The following TAF1B variants were observed in gnomAD, a reference collection of about 807,000 sequenced individuals.
The protein encoded by TAF1B is TATA box-binding protein-associated factor RNA polymerase I subunit B.
A neutral mutation model predicts 83.9 loss-of-function variants in TAF1B; 61 were observed. The observed-to-expected ratio is 0.73, with a 90% confidence interval of 0.59 to 0.90. The LOEUF is 0.90. Ranked by LOEUF, TAF1B falls within the 40% of genes least tolerant of loss-of-function variation. The probability of loss-of-function intolerance (pLI) is 0.00; values close to 1 mark genes in which losing one functional copy is unlikely to be tolerated. For missense variants in TAF1B, 625 were observed against 677.0 expected, an observed-to-expected ratio of 0.92 and a Z score of 0.85; for synonymous variants, 221 against 224.6, an observed-to-expected ratio of 0.98 and a Z score of 0.14.
chr2:9,884,615 T>G (rs1335536957), intron 8 of TAF1B, among the ~76,000 whole-genome samples: 1 of 152,202 alleles, frequency 6.6e-6, no homozygotes, highest in Non-Finnish European at 1.5e-5. Flanking sequence ...GGGAAGCTCC[T>G]GTCTGCAGGC....
intron 5 of TAF1B, among the ~76,000 whole-genome samples, chr2:9,858,997 A>G (rs773154702): frequency 4.6e-5 from 7 of 152,172 alleles, no homozygotes; most frequent in Admixed American, 6.5e-5. Context: ...GCAAATTTCT[A>G]TAGCCGGCTT....
intron 5 of TAF1B, among the ~76,000 whole-genome samples, chr2:9,857,882 C>G (rs996004622): frequency 6.6e-6 from 1 of 152,172 alleles, no homozygotes; most frequent in East Asian, 1.9e-4. Flanking sequence ...AGGTCCCTCT[C>G]GCAACATGTG....
At chr2:9,920,735 A>T (rs1447696313) in intron 14 of TAF1B, among the ~76,000 whole-genome samples, 1 of 152,198 alleles carries the variant, frequency 6.6e-6, no homozygotes, top group East Asian at 1.9e-4. Context: ...TCTGATCTTC[A>T]TTCAACTTTG....
At chr2:9,887,148 G>A (rs1192794632) in intron 8 of TAF1B, among the ~76,000 whole-genome samples, 1 of 152,024 alleles carries the variant, frequency 6.6e-6, no homozygotes, top group Non-Finnish European at 1.5e-5. Context: ...TATTTCTGAC[G>A]GCAATTCACA....
intron 5 of TAF1B, among the ~76,000 whole-genome samples, chr2:9,867,477 TTTTG>T (rs1462793472): frequency 1.3e-5 from 2 of 152,194 alleles, no homozygotes; most frequent in African/African-American, 4.8e-5. Flanking sequence ...TCTCTGAGGT[TTTTG>T]TTTGTTTTTT....
intron 6 of TAF1B, among the ~76,000 whole-genome samples, chr2:9,875,519 A>G (rs1008442890): frequency 2.6e-5 from 4 of 152,148 alleles, no homozygotes; most frequent in African/African-American, 9.7e-5. Flanking sequence ...GTGCCTCACA[A>G]TCACGGTAGA....
chr2:9,915,774 C>T (rs1454139950), intron 12 of TAF1B, among the ~76,000 whole-genome samples: 1 of 152,154 alleles, frequency 6.6e-6, no homozygotes, highest in Non-Finnish European at 1.5e-5. Context: ...CAAGCTCACA[C>T]AAAAATCTGC....
At chr2:9,853,925 G>A (rs1461165306) in intron 4 of TAF1B, among the ~76,000 whole-genome samples, 1 of 152,126 alleles carries the variant, frequency 6.6e-6, no homozygotes, top group African/African-American at 2.4e-5. Context: ...TGATTTTAAT[G>A]TCTTTCTCTA....
intron 4 of TAF1B, 42 bp from the exon 5 acceptor site, chr2:9,854,284 C>A: frequency 7.0e-7 from 1 of 1,434,710 alleles, no homozygotes; most frequent in Non-Finnish European, 9.8e-7. Context: ...CATTTGTTGT[C>A]ATAACCTGAA....
intron 9 of TAF1B, 130 bp downstream of exon 9, chr2:9,905,136 T>C (rs1044757764): frequency 6.0e-5 from 42 of 696,634 alleles, no homozygotes; most frequent in Non-Finnish European, 8.8e-5. Context: ...AAACTTAATG[T>C]CAAAATCCTT....
chr2:9,894,951 A>T (rs1002758684), intron 8 of TAF1B, among the ~76,000 whole-genome samples: 1 of 152,232 alleles, frequency 6.6e-6, no homozygotes, highest in East Asian at 1.9e-4. Flanking sequence ...GAACAGGCAC[A>T]TATTAAGGAG....
chr2:9,846,006 A>G, intron 2 of TAF1B: 1 of 463,484 alleles, frequency 2.2e-6, no homozygotes, highest in South Asian at 1.6e-5. Flanking sequence ...AAGCTTGAGG[A>G]CTGTTGGGAA....
At chr2:9,879,693 G>A (rs1664434995) in intron 7 of TAF1B, among the ~76,000 whole-genome samples, 1 of 152,142 alleles carries the variant, frequency 6.6e-6, no homozygotes, top group African/African-American at 2.4e-5. Context: ...GGGCGGAGTA[G>A]GAGGATGAGA....
Position 9,843,549 on chromosome 2 carries a change from T to TC in TAF1B, c.9dup (p.Glu4ArgfsTer7). 3.9e-6 allele frequency: 6 copies of TC among 1,528,110 alleles called. No individual in the cohort carries two copies. The highest frequency in any genetic ancestry group is 5.3e-6 in the Non-Finnish European group (6 of 1,135,540). The allele number at this position is 1,528,110 out of a possible 1,614,324, so 94.7% of individuals were successfully genotyped here. A position where few individuals can be genotyped will look rare whatever the true frequency, so the allele number is the denominator to read the frequency against. On this transcript the variant is annotated frameshift_variant, in exon 1 of 15. Coordinates refer to ENST00000263663, the MANE Select transcript of TAF1B (RefSeq NM_005680.3). LOFTEE classifies it high-confidence loss of function. ...AGCTCCCGCGGCGCCGCGATGGACC[T>TC]CGAGGAGGCGGTAAGGAGGCGGTGC...
intron 6 of TAF1B, among the ~76,000 whole-genome samples, chr2:9,874,454 T>C (rs911693481): frequency 1.3e-5 from 2 of 152,156 alleles, no homozygotes; most frequent in African/African-American, 4.8e-5. Flanking sequence ...TTTTTTTTTT[T>C]TTAGAGAAAG....
chr2:9,884,038 G>T lies in TAF1B; in HGVS notation c.807+1233G>T, dbSNP rs1054872001. 4.6e-5 allele frequency among the ~76,000 whole-genome samples: 7 copies of T among 152,238 alleles called. No individual in the cohort carries two copies. In the South Asian group the frequency reaches 1.0e-3, roughly 23 times the overall value. ...GGCCTGGGTCTCATGCCTGCCAAGG[G>T]CAAGTCAGGCATGGAATGGTGATGG... On this transcript the variant is annotated intron_variant, in intron 8 of 14. Transcript: ENST00000263663.
Position 9,875,929 on chromosome 2 carries a change from C to A in TAF1B, c.618C>A (p.Ile206=), listed in dbSNP as rs143865601. ...ACTCACAACGAAAGGAGAAGGGAAT[C>A]GTGAAGATGACCATGCCACAGACAC... is the stretch of plus-strand genomic sequence containing the variant. ...VEYSQRKEKG[I]VKMTMPQTLA... Residue 206 remains isoleucine, a synonymous_variant, in exon 7 of 15, where the codon ATC becomes ATA. Transcript: ENST00000263663. 1.2e-5 allele frequency: 20 copies of A among 1,613,468 alleles called. No homozygotes were observed. Among genetic ancestry groups the A allele is most frequent in the Admixed American group, 8.3e-5 (5 of 60,010 alleles).
At chr2:9,870,952 C>T (rs1241966209) in intron 6 of TAF1B, among the ~76,000 whole-genome samples, 1 of 152,146 alleles carries the variant, frequency 6.6e-6, no homozygotes, top group Non-Finnish European at 1.5e-5. Context: ...CTTATAATCT[C>T]TTAATATCTT....
At chr2:9,928,569 C>G (rs984959228) in intron 14 of TAF1B, among the ~76,000 whole-genome samples, 1 of 152,120 alleles carries the variant, frequency 6.6e-6, no homozygotes. Flanking sequence ...TGAAGAGATC[C>G]TTCACATCCC....
Sources: gnomAD v4.1 joint callset for allele counts (sites outside exome capture counted in the v4.1 genomes callset) on GRCh38, gnomAD v4.1.1 for gene constraint, MANE v1.5 for transcripts, NCBI Gene and HGNC (gene_info 2026-07-23, HGNC 2026-07-21) for gene names.